The following KIRREL3 variants were observed in gnomAD, a reference collection of about 807,000 sequenced individuals.
KIRREL3 encodes kirre like nephrin family adhesion molecule 3, also known as kin of IRRE-like protein 3.
Under a neutral mutation model 89.7 loss-of-function variants are expected in KIRREL3, and 36 were observed. That is an observed-to-expected ratio of 0.40 (90% confidence interval 0.31 to 0.53). The LOEUF is 0.53. Ranked by LOEUF, KIRREL3 falls within the 20% of genes least tolerant of loss-of-function variation. The probability of loss-of-function intolerance (pLI) is 0.49; values close to 1 mark genes in which losing one functional copy is unlikely to be tolerated. For synonymous variants in KIRREL3, 445 were observed against 441.4 expected, an observed-to-expected ratio of 1.01 and a Z score of -0.10; for missense variants, 864 against 1,056.6, an observed-to-expected ratio of 0.82 and a Z score of 2.53.
rs1302008484 is a variant in KIRREL3, at chr11:126,522,107, A to G, written c.284-643T>C. 6.6e-6 allele frequency among the ~76,000 whole-genome samples: 1 copy of G among 152,076 alleles called. No individual in the cohort carries two copies. Among genetic ancestry groups the G allele is most frequent in the East Asian group, 1.9e-4 (1 of 5,182 alleles). ...GAGGAGCCACTGTTAGAAAGGAAAG[A>G]GGGAGAAGAGATGGAAATGCTAAGC... is the stretch of plus-strand genomic sequence containing the variant. On this transcript the variant is annotated intron_variant, in intron 3 of 16. Transcript: ENST00000525144. The surrounding 1 kb of genome is among the most constrained non-coding windows in gnomAD (Gnocchi z 6.0).
chr11:126,726,721 G>A (rs1188121382), intron 1 of KIRREL3, among the ~76,000 whole-genome samples: 2 of 152,154 alleles, frequency 1.3e-5, no homozygotes, highest in African/African-American at 4.8e-5. Context: ...CTTTCCAGCT[G>A]TTTTTTCCCA....
At chr11:126,560,070 T>C (rs143822402) in intron 2 of KIRREL3, among the ~76,000 whole-genome samples, 1 of 152,312 alleles carries the variant, frequency 6.6e-6, no homozygotes, top group East Asian at 1.9e-4. Flanking sequence ...CAATGACTGT[T>C]TGATGAATAA....
rs1408010535 is a variant in KIRREL3 at position 126,764,466 on chromosome 11, T to C, written c.56-201554A>G. Among the ~76,000 whole-genome samples the C allele has an allele frequency of 6.6e-6, 1 of 152,170 alleles. No homozygotes were observed. The highest frequency in any genetic ancestry group is 6.5e-5 in the Admixed American group (1 of 15,274). On this transcript the variant is annotated intron_variant, in intron 1 of 16. Transcript: ENST00000525144. This position sits in a 1 kb window ranked among gnomAD's most constrained non-coding sequence, Gnocchi z 4.2. ...AGATCAACTTCGCAGAGAAACACCGTTTCCAGAAGCAGTGAGGATCTTTCA... is the reference window on the plus strand; with the variant it reads ...AGATCAACTTCGCAGAGAAACACCGCTTCCAGAAGCAGTGAGGATCTTTCA...
intron 1 of KIRREL3, among the ~76,000 whole-genome samples, chr11:126,597,220 C>G (rs7946519): frequency 6.6e-6 from 1 of 152,152 alleles, no homozygotes; most frequent in Non-Finnish European, 1.5e-5. Context: ...AGAGCAGCCT[C>G]GCTGGTCCTG....
In KIRREL3 at chr11:126,589,922, C is replaced by T. The variant is rs774654824; in HGVS notation, c.56-27010G>A. On this transcript the variant is annotated intron_variant, in intron 1 of 16. Transcript: ENST00000525144. ...GAGGCTCTACTCAGTTACTCCTGAA[C>T]GCTCCTCTTTCTACTGTGCCCCATC... 6.3e-4 allele frequency among the ~76,000 whole-genome samples: 96 copies of T among 152,200 alleles called. 1 individual carries two copies. The highest frequency in any genetic ancestry group is 9.3e-4 in the Non-Finnish European group (63 of 68,016).
Position 126,475,248 on chromosome 11 carries a change from C to T in KIRREL3, c.434-1782G>A, listed in dbSNP as rs773982975. The stretch of plus-strand genomic sequence containing the variant: ...AGCTGAACAGTCACAGCTCCGGGCC[C>T]GTCCTGACTCCACTGGCTCAGCCTT... On this transcript the variant is annotated intron_variant, in intron 4 of 16. Transcript: ENST00000525144. The surrounding 1 kb of genome is among the most constrained non-coding windows in gnomAD (Gnocchi z 7.5). 2.6e-5 allele frequency among the ~76,000 whole-genome samples: 4 copies of T among 152,126 alleles called. No homozygotes were observed. The highest frequency in any genetic ancestry group is 2.1e-4 in the South Asian group (1 of 4,820).
chr11:126,942,372 C>T (rs1948479669), intron 1 of KIRREL3, among the ~76,000 whole-genome samples: 1 of 152,092 alleles, frequency 6.6e-6, no homozygotes. Context: ...CATACTTTCT[C>T]ATGTTCTAAA....
rs1941132823 is a variant in KIRREL3, at chr11:126,574,248, G to T, written c.56-11336C>A. On this transcript the variant is annotated intron_variant, in intron 1 of 16. Transcript: ENST00000525144. This position sits in a 1 kb window ranked among gnomAD's most constrained non-coding sequence, Gnocchi z 5.3. Reference sequence around the variant, plus strand: ...AACCTCCCTTGCTCAAAATCACCCTGCTGCTAATGGCAGGGCTAGGATTTG... The same window carrying T: ...AACCTCCCTTGCTCAAAATCACCCTTCTGCTAATGGCAGGGCTAGGATTTG... 6.6e-6 allele frequency among the ~76,000 whole-genome samples: 1 copy of T among 152,200 alleles called. No homozygotes were observed. Among genetic ancestry groups the T allele is most frequent in the African/African-American group, 2.4e-5 (1 of 41,446 alleles).
At position 126,490,382 on chromosome 11, in the gene KIRREL3, G is replaced by A. The variant is rs907598961; in HGVS notation, c.434-16916C>T. ...AGTATTCTTCAGCCTGGCCCTGTCC[G>A]TGAGCCAGGTTATTGGAAATAGACC... On this transcript the variant is annotated intron_variant, in intron 4 of 16. Transcript: ENST00000525144. This position sits in a 1 kb window ranked among gnomAD's most constrained non-coding sequence, Gnocchi z 4.2. Among the ~76,000 whole-genome samples the A allele has an allele frequency of 2.0e-5, 3 of 152,022 alleles. No homozygotes were observed. Among genetic ancestry groups the A allele is most frequent in the African/African-American group, 7.2e-5 (3 of 41,412 alleles).
At chr11:126,743,153 GCAAACAAA>G (rs371172008) in intron 1 of KIRREL3, among the ~76,000 whole-genome samples, 2 of 152,240 alleles carry the variant, frequency 1.3e-5, no homozygotes, top group African/African-American at 4.8e-5. Flanking sequence ...AGAGTAGTTG[GCAAACAAA>G]CAAACAAACA....
chr11:126,775,713 T>C (rs953386007), intron 1 of KIRREL3, among the ~76,000 whole-genome samples: 24 of 152,238 alleles, frequency 1.6e-4, no homozygotes, highest in African/African-American at 5.8e-4. Flanking sequence ...CTTATGTATG[T>C]GCTCTTTCAA....
intron 1 of KIRREL3, among the ~76,000 whole-genome samples, chr11:126,973,823 A>G (rs1225108956): frequency 6.6e-6 from 1 of 152,178 alleles, no homozygotes; most frequent in Non-Finnish European, 1.5e-5. Context: ...TCATTCATCC[A>G]TTCATCAAAT....
intron 1 of KIRREL3, among the ~76,000 whole-genome samples, chr11:126,885,842 G>A (rs1945673751): frequency 6.6e-6 from 1 of 151,984 alleles, no homozygotes; most frequent in Admixed American, 6.6e-5. Flanking sequence ...TTTTCTATTT[G>A]GCAACAAATG....
In KIRREL3 at chr11:126,571,624, T is replaced by C. The variant is rs1464116682; in HGVS notation, c.56-8712A>G. Among the ~76,000 whole-genome samples, 2 of 152,170 alleles carry C rather than the reference T, an allele frequency of 1.3e-5. No homozygotes were observed. The highest frequency in any genetic ancestry group is 4.8e-5 in the African/African-American group (2 of 41,424). On this transcript the variant is annotated intron_variant, in intron 1 of 16. Coordinates refer to ENST00000525144, the MANE Select transcript of KIRREL3 (RefSeq NM_032531.4). This position sits in a 1 kb window ranked among gnomAD's most constrained non-coding sequence, Gnocchi z 7.7. ...AGGTAAGTGCTGTTATTATTCCTAT[T>C]TGACAGAAGGGAAACCGAGGATCCA... is the stretch of plus-strand genomic sequence containing the variant.
intron 1 of KIRREL3, among the ~76,000 whole-genome samples, chr11:126,798,169 T>C (rs925739362): frequency 8.7e-6 from 1 of 114,560 alleles, no homozygotes; most frequent in Non-Finnish European, 1.8e-5. Context: ...CCCTGATTCA[T>C]GAGCCCCCAA....
rs1945877787 is a variant in KIRREL3, at chr11:126,890,617, T to G, written c.55+109838A>C. 6.6e-6 allele frequency among the ~76,000 whole-genome samples: 1 copy of G among 152,268 alleles called. No individual in the cohort carries two copies. The highest frequency in any genetic ancestry group is 1.5e-5 in the Non-Finnish European group (1 of 68,048). On this transcript the variant is annotated intron_variant, in intron 1 of 16. Coordinates refer to ENST00000525144, the MANE Select transcript of KIRREL3 (RefSeq NM_032531.4). The surrounding 1 kb of genome is among the most constrained non-coding windows in gnomAD (Gnocchi z 5.1). ...GTGGGAGTCCCGTGGCTGCACATCC[T>G]GGCAAAAGGAGTTCATTTCGATGGC...
chr11:126,692,870 G>A (rs1946934326), intron 1 of KIRREL3, among the ~76,000 whole-genome samples: 1 of 152,188 alleles, frequency 6.6e-6, no homozygotes, highest in South Asian at 2.1e-4. Context: ...GCTTTGCAAT[G>A]TGACTCTGCA....
rs1949245144 is a variant in KIRREL3 at position 126,748,930 on chromosome 11, G to A, written c.56-186018C>T. ...TCTCAGTTCATTGCCTCGTAGGTGG[G>A]AGAGCCGCTTAGGTCCTCTTATGTG... On this transcript the variant is annotated intron_variant, in intron 1 of 16. Coordinates refer to ENST00000525144, the MANE Select transcript of KIRREL3 (RefSeq NM_032531.4). The surrounding 1 kb of genome is among the most constrained non-coding windows in gnomAD (Gnocchi z 4.6). 6.6e-6 allele frequency among the ~76,000 whole-genome samples: 1 copy of A among 152,190 alleles called. No homozygotes were observed. The highest frequency in any genetic ancestry group is 1.9e-4 in the East Asian group (1 of 5,180).
Position 126,666,953 on chromosome 11 carries a change from T to A in KIRREL3, c.56-104041A>T, listed in dbSNP as rs2135039435. On this transcript the variant is annotated intron_variant, in intron 1 of 16. Transcript: ENST00000525144. The surrounding 1 kb of genome is among the most constrained non-coding windows in gnomAD (Gnocchi z 4.2). The stretch of plus-strand genomic sequence containing the variant: ...ATTTCCTAGTCCTACAAGATTCAGA[T>A]CCCTGATGTGGAGCCAAGGAAAGGC... Among the ~76,000 whole-genome samples, 1 of 152,336 alleles carries A rather than the reference T, an allele frequency of 6.6e-6. No individual in the cohort carries two copies. The highest frequency in any genetic ancestry group is 2.1e-4 in the South Asian group (1 of 4,824).
Sources: allele counts gnomAD v4.1 joint callset (sites outside exome capture counted in the v4.1 genomes callset), GRCh38; gene constraint gnomAD v4.1.1; non-coding constraint Gnocchi (gnomAD v3.1); transcripts MANE v1.5; gene names NCBI Gene and HGNC (gene_info 2026-07-23, HGNC 2026-07-21).